IGSF21: variants seen among roughly 807,000 people sequenced by gnomAD.
The protein encoded by IGSF21 is immunoglobin superfamily member 21, also known as immunoglobulin superfamily member 21.
IGSF21 carries 28 observed loss-of-function variants against 46.8 expected under a neutral mutation model. The observed-to-expected ratio is 0.60, with a 90% CI of 0.44 to 0.82. The LOEUF (loss-of-function observed/expected upper bound fraction) is 0.82. Among genes scored for constraint, IGSF21 ranks in the 40% least tolerant of loss-of-function variants. IGSF21 has a pLI of 0.00. For missense variants in IGSF21, 624 were observed against 665.5 expected (o/e 0.94, Z 0.69); for synonymous variants, 284 against 273.6 (o/e 1.04, Z -0.38).
In IGSF21 at chr1:18,177,397, G is replaced by GA. The variant is rs1557573388; in HGVS notation, c.71-50501_71-50500insA. 1.1e-3 allele frequency among the ~76,000 whole-genome samples: 37 copies of GA among 32,546 alleles called. 2 individuals carry two copies. In the South Asian group the frequency reaches 0.037, roughly 33 times the overall value. The allele number at this position is 32,546 out of a possible 152,430, so 21.4% of individuals were successfully genotyped here. A position where few individuals can be genotyped will look rare whatever the true frequency, so the allele number is the denominator to read the frequency against. Reference sequence around the variant, plus strand: ...TGTGGGGATGGGGTCAGTGAGGTGTGTGTGTGTGTGTGTGTGTGTGTGTGT... The same window carrying GA: ...TGTGGGGATGGGGTCAGTGAGGTGTGATGTGTGTGTGTGTGTGTGTGTGTGT... On this transcript the variant is annotated intron_variant, in intron 1 of 9. Coordinates refer to ENST00000251296, the MANE Select transcript of IGSF21 (RefSeq NM_032880.5).
chr1:18,294,926 G>T (rs916585097), intron 3 of IGSF21, among the ~76,000 whole-genome samples: 7 of 152,258 alleles, frequency 4.6e-5, no homozygotes, highest in Non-Finnish European at 1.5e-5. Flanking sequence ...TATAAATGAA[G>T]ATATTTACAA....
At chr1:18,285,173 G>A (rs1447575221) in intron 2 of IGSF21, among the ~76,000 whole-genome samples, 1 of 143,582 alleles carries the variant, frequency 7.0e-6, no homozygotes, top group Non-Finnish European at 1.5e-5. Context: ...GGGGGGAGGT[G>A]ATATTTTCCC....
At chr1:18,349,034 T>C (rs1267580673) in intron 4 of IGSF21, among the ~76,000 whole-genome samples, 1 of 152,232 alleles carries the variant, frequency 6.6e-6, no homozygotes, top group African/African-American at 2.4e-5. Context: ...GATTGAGTGC[T>C]CACTGAGTGC....
chr1:18,256,035 C>T (rs2084889227), intron 2 of IGSF21, among the ~76,000 whole-genome samples: 2 of 152,206 alleles, frequency 1.3e-5, no homozygotes, highest in South Asian at 4.1e-4. Context: ...CAAAGCATTA[C>T]AGAATCTGGC....
intron 1 of IGSF21, among the ~76,000 whole-genome samples, chr1:18,193,375 T>C (rs1454968697): frequency 1.3e-5 from 2 of 152,104 alleles, no homozygotes; most frequent in East Asian, 3.9e-4. Context: ...CAGGGTTCTC[T>C]AGAGGGACAG....
intron 2 of IGSF21, among the ~76,000 whole-genome samples, chr1:18,274,579 C>T (rs888361075): frequency 3.3e-5 from 5 of 152,218 alleles, no homozygotes; most frequent in African/African-American, 1.2e-4. Flanking sequence ...CTGTTTTGTG[C>T]TATAAGAGCA....
chr1:18,364,864 G>C (rs985148300), intron 5 of IGSF21, among the ~76,000 whole-genome samples: 6 of 152,186 alleles, frequency 3.9e-5, no homozygotes, highest in African/African-American at 1.4e-4. Flanking sequence ...TTGCCATGGT[G>C]TAGGCCGAAG....
At chr1:18,285,264 G>A (rs1048961236) in intron 2 of IGSF21, among the ~76,000 whole-genome samples, 4 of 150,570 alleles carry the variant, frequency 2.7e-5, no homozygotes, top group African/African-American at 7.4e-5. Flanking sequence ...AGACTTATTT[G>A]TTTTTCAAAT....
chr1:18,365,496 C>T lies in IGSF21; in HGVS notation c.814C>T (p.Arg272Cys), dbSNP rs1557662871. Residue 272 changes from arginine (R) to cysteine (C), a missense_variant, in exon 6 of 10, where the codon CGT (arginine) becomes TGT (cysteine). Transcript: ENST00000251296. The surrounding 1 kb of genome is among the most constrained non-coding windows in gnomAD (Gnocchi z 4.8). ...TENIPETVVS[R>C]EFPRWVHSAE... The stretch of plus-strand genomic sequence containing the variant: ...GAACATACCAGAGACGGTCGTGAGC[C>T]GTGAGTTTCCCCGCTGGGTCCACAG... The T allele has an allele frequency of 1.2e-6, 2 of 1,614,092 alleles. No homozygotes were observed. The highest frequency in any genetic ancestry group is 1.7e-6 in the Non-Finnish European group (2 of 1,180,018).
At chr1:18,240,890 C>T (rs2084720737) in intron 2 of IGSF21, among the ~76,000 whole-genome samples, 1 of 152,192 alleles carries the variant, frequency 6.6e-6, no homozygotes, top group African/African-American at 2.4e-5. Flanking sequence ...TCAAGCTCAG[C>T]TGCGCAGCCA....
intron 3 of IGSF21, among the ~76,000 whole-genome samples, chr1:18,318,245 CA>C (rs896757815): frequency 1.3e-5 from 2 of 152,154 alleles, no homozygotes; most frequent in African/African-American, 2.4e-5. Flanking sequence ...CCCAAATTTG[CA>C]GGTGGGTAGA....
intron 3 of IGSF21, among the ~76,000 whole-genome samples, chr1:18,303,422 T>C (rs2085380309): frequency 6.6e-6 from 1 of 152,132 alleles, no homozygotes; most frequent in Admixed American, 6.5e-5. Context: ...GGCTGAGCCC[T>C]ATGCTCATGG....
At chr1:18,296,469 C>T (rs549406833) in intron 3 of IGSF21, among the ~76,000 whole-genome samples, 1 of 152,208 alleles carries the variant, frequency 6.6e-6, no homozygotes, top group East Asian at 1.9e-4. Context: ...ATAGAAGGAC[C>T]TGAGCTAAGG....
At chr1:18,215,070 T>C (rs2084430345) in intron 1 of IGSF21, among the ~76,000 whole-genome samples, 2 of 152,294 alleles carry the variant, frequency 1.3e-5, no homozygotes, top group South Asian at 4.1e-4. Context: ...TCAGATCTCA[T>C]GAGATCTCAC....
Position 18,359,371 on chromosome 1 carries a change from AAAGAAAGAAAGAAAGG to A in IGSF21, c.425-2740_425-2725del, listed in dbSNP as rs1210463125. The stretch of plus-strand genomic sequence containing the variant: ...GAAAGAAAGAAAGAAAGAAAGAAAG[AAAGAAAGAAAGAAAGG>A]AAGGAAGGAAGGAAGGAAGGAAGGA... On this transcript the variant is annotated intron_variant, in intron 4 of 9. Transcript: ENST00000251296. 4.4e-3 allele frequency among the ~76,000 whole-genome samples: 438 copies of A among 100,508 alleles called. 4 individuals are homozygous for A. Among genetic ancestry groups the A allele is most frequent in the African/African-American group, 0.013 (353 of 26,322 alleles). The allele number at this position is 100,508 out of a possible 152,430, so 65.9% of individuals were successfully genotyped here.
At chr1:18,347,914 G>A (rs1245500074) in intron 4 of IGSF21, among the ~76,000 whole-genome samples, 1 of 152,178 alleles carries the variant, frequency 6.6e-6, no homozygotes, top group African/African-American at 2.4e-5. Context: ...TGTGGGGGGA[G>A]CACTGAGAGA....
chr1:18,287,340 G>A (rs1211865292), intron 2 of IGSF21, among the ~76,000 whole-genome samples: 1 of 151,960 alleles, frequency 6.6e-6, no homozygotes, highest in Admixed American at 6.6e-5. Flanking sequence ...AGCTTGCAGT[G>A]AGCTGAGATC....
At chr1:18,269,406 G>A (rs2085021902) in intron 2 of IGSF21, among the ~76,000 whole-genome samples, 1 of 152,226 alleles carries the variant, frequency 6.6e-6, no homozygotes, top group Non-Finnish European at 1.5e-5. Context: ...GGGAGGACTT[G>A]TTGGAGGAGG....
intron 1 of IGSF21, among the ~76,000 whole-genome samples, chr1:18,133,250 A>G (rs2086338237): frequency 6.6e-6 from 1 of 152,202 alleles, no homozygotes; most frequent in African/African-American, 2.4e-5. Context: ...TGAGGCCCCC[A>G]GAGCATGTGA....
Sources: allele counts gnomAD v4.1 joint callset (sites outside exome capture counted in the v4.1 genomes callset), GRCh38; gene constraint gnomAD v4.1.1; non-coding constraint Gnocchi (gnomAD v3.1); transcripts MANE v1.5; gene names NCBI Gene and HGNC (gene_info 2026-07-23, HGNC 2026-07-21).